SLC44A3: variants seen among roughly 807,000 people sequenced by gnomAD.
SLC44A3 encodes the protein solute carrier family 44 member 3, also known as choline transporter-like protein 3.
In SLC44A3, 74 loss-of-function variants were observed where a neutral mutation model predicts 75.4. That is an observed-to-expected ratio of 0.98 (90% CI 0.81 to 1.19). The LOEUF is 1.19. SLC44A3 is among the 50% of genes most tolerant of loss of function. SLC44A3 has a pLI of 0.00. For missense variants in SLC44A3, 700 were observed against 778.6 expected (o/e 0.90, Z 1.20); for synonymous variants, 310 against 296.9 (o/e 1.04, Z -0.45).
At chr1:94,862,879 T>C (rs1666739745) in intron 10 of SLC44A3, among the ~76,000 whole-genome samples, 1 of 152,132 alleles carries the variant, frequency 6.6e-6, no homozygotes, top group African/African-American at 2.4e-5. Context: ...AGGTAAGTAT[T>C]ATATTTAGCA....
intron 12 of SLC44A3, among the ~76,000 whole-genome samples, chr1:94,868,183 A>G (rs1232485273): frequency 6.6e-6 from 1 of 152,054 alleles, no homozygotes; most frequent in Non-Finnish European, 1.5e-5. Context: ...CATTTAGGAG[A>G]TTTTAATAGT....
intron 9 of SLC44A3, among the ~76,000 whole-genome samples, chr1:94,855,058 C>A (rs1355127974): frequency 4.6e-5 from 7 of 152,060 alleles, no homozygotes; most frequent in Non-Finnish European, 7.4e-5. Flanking sequence ...TTGGGGAGTG[C>A]CAAATGCCAT....
Position 94,824,507 on chromosome 1 carries a change from C to G in SLC44A3, c.150C>G (p.Gly50=). 1 of 1,605,152 alleles carries G rather than the reference C, an allele frequency of 6.2e-7. No individual in the cohort carries two copies. Among genetic ancestry groups the G allele is most frequent in the Non-Finnish European group, 8.5e-7 (1 of 1,177,258 alleles). ...LFWTGLVFIM[G]YSVVAGAAGR... is the part of the protein sequence containing the mutation. ...GTTTTTGCCAGGTGTTTATCATGGG[C>G]TACTCGGTGGTGGCTGGAGCCGCGG... Residue 50 remains glycine, a synonymous_variant, in exon 3 of 15, where the codon GGC becomes GGG. Transcript: ENST00000271227.
At chr1:94,834,403 A>C (rs577664879) in intron 5 of SLC44A3, among the ~76,000 whole-genome samples, 1 of 152,372 alleles carries the variant, frequency 6.6e-6, no homozygotes, top group East Asian at 1.9e-4. Context: ...ATTATAACCC[A>C]AAGAAAAGAA....
intron 10 of SLC44A3, among the ~76,000 whole-genome samples, chr1:94,860,997 C>T (rs1666502784): frequency 6.6e-6 from 1 of 151,884 alleles, no homozygotes; most frequent in African/African-American, 2.4e-5. Flanking sequence ...TGTTCGAACA[C>T]GTTAAGAAAA....
intron 12 of SLC44A3, among the ~76,000 whole-genome samples, chr1:94,879,728 A>T (rs1485687067): frequency 3.3e-5 from 5 of 151,296 alleles, no homozygotes; most frequent in African/African-American, 4.9e-5. Flanking sequence ...AGTCCCAGCT[A>T]CTTGGGAGGC....
rs954941987 is a variant in SLC44A3, at chr1:94,839,958, G to A, written c.681G>A (p.Leu227=). ...TGCTTAATTTTTCAGCCTTGTCTTT[G>A]GCCATGATGTTTACCTTCAGATTCA... The part of the protein sequence containing the change: ...GLCILALALS[L]AMMFTFRFIT... Residue 227 remains leucine (L), a synonymous_variant, in exon 7 of 15, where the codon TTG becomes TTA. Coordinates refer to ENST00000271227, the MANE Select transcript of SLC44A3 (RefSeq NM_001114106.3). 3 of 1,613,646 alleles carry A rather than the reference G, an allele frequency of 1.9e-6. No individual in the cohort carries two copies. In the African/African-American group the frequency reaches 4.0e-5, roughly 22 times the overall value.
At chr1:94,893,620 T>G (rs1268683020) in intron 14 of SLC44A3, among the ~76,000 whole-genome samples, 1 of 151,918 alleles carries the variant, frequency 6.6e-6, no homozygotes, top group Non-Finnish European at 1.5e-5. Context: ...AGGTGATCCA[T>G]CTGCCTCGGC....
At chr1:94,886,771 A>G (rs977272551) in intron 12 of SLC44A3, among the ~76,000 whole-genome samples, 3 of 152,166 alleles carry the variant, frequency 2.0e-5, no homozygotes, top group Non-Finnish European at 4.4e-5. Context: ...TGACCAGTCC[A>G]TTAAAGTCTG....
At chr1:94,852,385 G>A (rs1485086491) in intron 9 of SLC44A3, among the ~76,000 whole-genome samples, 1 of 152,174 alleles carries the variant, frequency 6.6e-6, no homozygotes, top group Non-Finnish European at 1.5e-5. Flanking sequence ...GGTGAGTGCA[G>A]AGCCATAAGA....
chr1:94,837,789 T>C lies in SLC44A3; in HGVS notation c.588T>C (p.Asn196=). 6.2e-7 allele frequency: 1 copy of C among 1,612,890 alleles called. No homozygotes were observed. The highest frequency in any genetic ancestry group is 2.2e-5 in the East Asian group (1 of 44,758). The part of the protein sequence containing the change: ...CYSLFASVLI[N]DVDTLHRILS... ...CCCTATTTGCATCTGTTTTGATAAA[T>C]GATGTTGACACCCTCCACCGAATTC... Residue 196 remains asparagine (N), a synonymous_variant, in exon 6 of 15, where the codon AAT becomes AAC. Transcript: ENST00000271227.
At chr1:94,840,283 C>CTTTTTTTTTTTTTTTTTTTTTTTTTTT (rs56383271) in intron 7 of SLC44A3, among the ~76,000 whole-genome samples, 10 of 77,356 alleles carry the variant, frequency 1.3e-4, no homozygotes, top group Non-Finnish European at 2.1e-4. Context: ...TTTCTTTTTC[C>CTTTTTTTTTTTTTTTTTTTTTTTTTTT]TTTTTTTTTT....
chr1:94,869,423 A>T (rs938427321), intron 12 of SLC44A3, among the ~76,000 whole-genome samples: 1 of 152,196 alleles, frequency 6.6e-6, no homozygotes, highest in African/African-American at 2.4e-5. Flanking sequence ...GGTCTTTCAG[A>T]TTCTAATCAT....
At chr1:94,846,239 A>T (rs1391004665) in intron 9 of SLC44A3, among the ~76,000 whole-genome samples, 1 of 152,072 alleles carries the variant, frequency 6.6e-6, no homozygotes, top group East Asian at 1.9e-4. Flanking sequence ...AAAAGACAAG[A>T]TTCTCTCCTC....
In SLC44A3 at chr1:94,881,573, G is replaced by A. The variant is rs190346076; in HGVS notation, c.1483-9557G>A. Among the ~76,000 whole-genome samples, 648 of 149,284 alleles carry A rather than the reference G, an allele frequency of 4.3e-3. 8 individuals are homozygous for A. Among genetic ancestry groups the A allele is most frequent in the African/African-American group, 0.015 (614 of 40,438 alleles). On this transcript the variant is annotated intron_variant, in intron 12 of 14. Transcript: ENST00000271227. ...CAAAAAATTAGCCAGGCATGGTGGC[G>A]GGTGCCTGTAGTCCCAGCTACTCGG... is the stretch of plus-strand genomic sequence containing the variant.
chr1:94,843,946 C>A (rs859110), intron 8 of SLC44A3, among the ~76,000 whole-genome samples: 21,350 of 151,836 alleles, frequency 0.14, 1,881 homozygotes, highest in South Asian at 0.23. Flanking sequence ...AAGAAAGAGG[C>A]TGAGACTTGA....
At chr1:94,842,962 A>G (rs902922438) in intron 8 of SLC44A3, 1 of 152,222 alleles carries the variant, frequency 6.6e-6, no homozygotes, top group Admixed American at 6.5e-5. Context: ...TTCACATAAA[A>G]TGTGCCAGGG....
At chr1:94,856,745 T>C (rs9432590) in intron 9 of SLC44A3, among the ~76,000 whole-genome samples, 29,155 of 152,062 alleles carry the variant, frequency 0.19, 3,234 homozygotes, top group Middle Eastern at 0.27. Flanking sequence ...TTCTTTTTTT[T>C]TGGAGACTGG....
chr1:94,856,721 G>C (rs550443027), intron 9 of SLC44A3, among the ~76,000 whole-genome samples: 1 of 152,094 alleles, frequency 6.6e-6, no homozygotes, highest in Admixed American at 6.6e-5. Context: ...AAAGTTACTT[G>C]CCTCTTCTTC....
Sources: allele counts gnomAD v4.1 joint callset (sites outside exome capture counted in the v4.1 genomes callset), GRCh38; gene constraint gnomAD v4.1.1; transcripts MANE v1.5; gene names NCBI Gene and HGNC (gene_info 2026-07-23, HGNC 2026-07-21).